Variants in TBXAS1 observed in about 807,000 individuals in gnomAD.
The protein encoded by TBXAS1 is thromboxane-A synthase.
A neutral mutation model predicts 60.7 loss-of-function variants in TBXAS1; 48 were observed. That is an observed-to-expected ratio of 0.79 (90% CI 0.63 to 1.01). The LOEUF (loss-of-function observed/expected upper bound fraction) is 1.01, where lower values mean the gene tolerates loss of function less well. Ranked by LOEUF, TBXAS1 falls within the 50% of genes least tolerant of loss-of-function variation. TBXAS1 has a pLI of 0.00. For synonymous variants in TBXAS1, 287 were observed against 269.7 expected, an observed-to-expected ratio of 1.06 and a Z score of -0.63; for missense variants, 685 against 686.3, an observed-to-expected ratio of 1.00 and a Z score of 0.02.
chr7:139,803,922 A>C (rs1797780034), intron 4 of TBXAS1, among the ~76,000 whole-genome samples: 1 of 152,250 alleles, frequency 6.6e-6, no homozygotes. Context: ...CAGAGCTCTC[A>C]TGGAGAACCT....
intron 3 of TBXAS1, among the ~76,000 whole-genome samples, chr7:139,785,378 C>A (rs866647170): frequency 1.3e-5 from 2 of 152,152 alleles, no homozygotes; most frequent in East Asian, 3.9e-4. Context: ...TGGAACTCAT[C>A]TCCTCCCAAA....
intron 1 of TBXAS1, among the ~76,000 whole-genome samples, chr7:139,863,213 A>G (rs1412831052): frequency 2.0e-5 from 3 of 152,224 alleles, no homozygotes; most frequent in Non-Finnish European, 4.4e-5. Context: ...TAACTCTTGT[A>G]TGTCAATATA....
chr7:139,842,214 G>A (rs901234201), intron 1 of TBXAS1, among the ~76,000 whole-genome samples: 8 of 152,100 alleles, frequency 5.3e-5, no homozygotes, highest in Admixed American at 5.2e-4. Flanking sequence ...GTCTAGTAAG[G>A]AATTCAGGCT....
chr7:139,780,813 C>G (rs1051913157), exon 2 of TBXAS1: 2 of 154,390 alleles, frequency 1.3e-5, no homozygotes, highest in African/African-American at 2.4e-5. Flanking sequence ...ATGGCTGACT[C>G]TTGTCTTCTG....
chr7:139,960,976 G>C (rs1186204293), intron 8 of TBXAS1, among the ~76,000 whole-genome samples: 1 of 152,128 alleles, frequency 6.6e-6, no homozygotes, highest in East Asian at 1.9e-4. Context: ...TTCAAAGAAG[G>C]GATGTTCTAG....
chr7:139,807,116 C>A (rs975894417), intron 4 of TBXAS1, among the ~76,000 whole-genome samples: 1 of 152,222 alleles, frequency 6.6e-6, no homozygotes, highest in African/African-American at 2.4e-5. Flanking sequence ...CAGATGATCT[C>A]TCCCTTCCTC....
rs1162158431 is a variant in TBXAS1 at position 139,961,999 on chromosome 7, CAG to C, written c.904_905del (p.Asp302ArgfsTer28). On this transcript the variant is annotated frameshift_variant, in exon 9 of 13. Transcript: ENST00000448866. LOFTEE classifies it high-confidence loss of function. ...TGGGCGTGCAAGACTTTGACATCGT[CAG>C]AGACGTTTTCTCCTCTACTGGGTGC... ...PMGVQDFDIV[R>X]DVFSSTGCKP... 1 of 1,614,256 alleles carries C rather than the reference CAG, an allele frequency of 6.2e-7. No individual in the cohort carries two copies. Among genetic ancestry groups the C allele is most frequent in the East Asian group, 2.2e-5 (1 of 44,888 alleles).
chr7:139,936,466 C>T (rs1201360963), intron 5 of TBXAS1, among the ~76,000 whole-genome samples, 159 bp downstream of exon 5: 1 of 152,196 alleles, frequency 6.6e-6, no homozygotes, highest in African/African-American at 2.4e-5. Flanking sequence ...GCAGAAAGCA[C>T]GGGACTCTGT....
chr7:139,822,940 TC>T (rs1192633997), intron 4 of TBXAS1, among the ~76,000 whole-genome samples: 6 of 152,090 alleles, frequency 3.9e-5, no homozygotes, highest in South Asian at 2.1e-4. Flanking sequence ...CAATTTTACC[TC>T]CTGCTCTGGC....
rs754031639 is a variant in TBXAS1, at chr7:139,875,639, T to C, written c.236+2T>C. 1 of 1,614,200 alleles carries C rather than the reference T, an allele frequency of 6.2e-7. No individual in the cohort carries two copies. Among genetic ancestry groups the C allele is most frequent in the Non-Finnish European group, 8.5e-7 (1 of 1,180,030 alleles). On this transcript the variant is annotated splice_donor_variant, in intron 3 of 12. Transcript: ENST00000448866. LOFTEE classifies it high-confidence loss of function. Reference sequence around the variant, plus strand: ...AAAGCTGTATGGACCTCTGTGTGGGTAAGAAGGAAACTCAACGTTTCTATT... The same window carrying C: ...AAAGCTGTATGGACCTCTGTGTGGGCAAGAAGGAAACTCAACGTTTCTATT...
At chr7:139,830,081 G>A (rs1259748029) in intron 1 of TBXAS1, among the ~76,000 whole-genome samples, 1 of 152,160 alleles carries the variant, frequency 6.6e-6, no homozygotes, top group Non-Finnish European at 1.5e-5. Flanking sequence ...CTTGAACTCC[G>A]AGTTGCTCCC....
chr7:139,877,467 G>A (rs1802331676), intron 3 of TBXAS1, among the ~76,000 whole-genome samples: 1 of 152,174 alleles, frequency 6.6e-6, no homozygotes, highest in Non-Finnish European at 1.5e-5. Context: ...CTGTCGCCCA[G>A]GCTGGAGTGC....
chr7:139,993,510 C>T (rs762961032), intron 9 of TBXAS1, among the ~76,000 whole-genome samples: 3 of 152,234 alleles, frequency 2.0e-5, no homozygotes, highest in Non-Finnish European at 2.9e-5. Context: ...GCTGACCCTG[C>T]GGCCCTGCTG....
intron 3 of TBXAS1, among the ~76,000 whole-genome samples, chr7:139,883,537 T>TAA (rs1182597474): frequency 1.3e-5 from 2 of 152,216 alleles, no homozygotes; most frequent in Non-Finnish European, 2.9e-5. Context: ...GAACCTGTAT[T>TAA]AATTCCCTCT....
intron 1 of TBXAS1, among the ~76,000 whole-genome samples, chr7:139,851,361 C>T (rs1380332908): frequency 3.9e-5 from 6 of 152,190 alleles, no homozygotes; most frequent in African/African-American, 4.8e-5. Flanking sequence ...GTAGAGATTA[C>T]AGGACATGAT....
intron 9 of TBXAS1, among the ~76,000 whole-genome samples, chr7:139,992,475 C>G (rs547583041): frequency 6.6e-6 from 1 of 152,234 alleles, no homozygotes; most frequent in African/African-American, 2.4e-5. Context: ...AGCCATGTCT[C>G]TGGGGGCCGT....
intron 5 of TBXAS1, among the ~76,000 whole-genome samples, chr7:139,950,646 G>GATCTACAGGACTCCCTCGCCCTCC (rs1387986999): frequency 6.6e-6 from 1 of 150,722 alleles, no homozygotes; most frequent in Non-Finnish European, 1.5e-5. Context: ...TTGCAGCTTT[G>GATCTACAGGACTCCCTCGCCCTCC]ATCTACAGGA....
At chr7:139,905,043 CTTTCTTTCTTTCTT>C (rs1200729085) in intron 3 of TBXAS1, among the ~76,000 whole-genome samples, 83 of 85,800 alleles carry the variant, frequency 9.7e-4, no homozygotes, top group South Asian at 4.9e-3. Context: ...TTCTTTCTTT[CTTTCTTTCTTTCTT>C]TCTCTCTCTC....
intron 4 of TBXAS1, among the ~76,000 whole-genome samples, chr7:139,817,645 A>G (rs1300881741): frequency 6.6e-6 from 1 of 152,184 alleles, no homozygotes; most frequent in Admixed American, 6.5e-5. Flanking sequence ...CCAGTCTTTG[A>G]GTTAAATAGC....
Sources: allele counts gnomAD v4.1 joint callset (sites outside exome capture counted in the v4.1 genomes callset), GRCh38; gene constraint gnomAD v4.1.1; transcripts MANE v1.5; gene names NCBI Gene and HGNC (gene_info 2026-07-23, HGNC 2026-07-21).